SPG11: variants seen among roughly 807,000 people sequenced by gnomAD.
SPG11 encodes the protein spatacsin.
A neutral mutation model predicts 274.0 loss-of-function variants in SPG11; 222 were observed. The ratio of observed to expected loss-of-function variants is 0.81; its 90% confidence interval spans 0.73 to 0.91. The LOEUF is 0.91. Among genes scored for constraint, SPG11 ranks in the 40% least tolerant of loss-of-function variants. SPG11 has a pLI of 0.00. For synonymous variants in SPG11, 1,144 were observed against 1,039.7 expected (o/e 1.10, Z -1.93); for missense variants, 3,114 against 2,872.7 (o/e 1.08, Z -1.92).
intron 7 of SPG11, among the ~76,000 whole-genome samples, chr15:44,640,823 T>C (rs945617089): frequency 1.1e-4 from 17 of 152,142 alleles, no homozygotes; most frequent in Non-Finnish European, 1.9e-4. Context: ...CTCCGCCTCC[T>C]AGGTTCAAGT....
intron 3 of SPG11, 143 bp downstream of exon 3, chr15:44,658,936 G>C: frequency 1.4e-6 from 1 of 727,060 alleles, no homozygotes; most frequent in Non-Finnish European, 2.4e-6. Flanking sequence ...AGTTTATGAG[G>C]ATCTTTTTCC....
At chr15:44,590,770 TTAA>T (rs1197461648) in intron 27 of SPG11, 3 of 152,172 alleles carry the variant, frequency 2.0e-5, no homozygotes, top group Non-Finnish European at 4.4e-5. Flanking sequence ...CACGTATATG[TTAA>T]TAGGCACCAA....
Position 44,628,627 on chromosome 15 carries a change from T to C in SPG11, c.2067+42A>G, listed in dbSNP as rs765673212. ...CTTTCTATTGTTTTCTCAGACCTTCTGAATCTGGCAAATAAAAGAAGTGAT... is the reference window on the plus strand; with the variant it reads ...CTTTCTATTGTTTTCTCAGACCTTCCGAATCTGGCAAATAAAAGAAGTGAT... On this transcript the variant is annotated intron_variant, in intron 10 of 39. Transcript: ENST00000261866. The C allele has an allele frequency of 2.6e-6, 4 of 1,547,684 alleles. No homozygotes were observed. The Admixed American group carries it at 5.0e-5, about 19-fold the overall frequency.
chr15:44,629,532 T>C (rs1042011849), intron 8 of SPG11, 144 bp from the exon 9 acceptor site: 6 of 841,936 alleles, frequency 7.1e-6, no homozygotes, highest in Non-Finnish European at 1.9e-6. Flanking sequence ...AAAACTTTTC[T>C]GCAGGCTTAT....
At chr15:44,588,750 A>G (rs2082830984) in intron 28 of SPG11, 1 of 340,634 alleles carries the variant, frequency 2.9e-6, no homozygotes. Flanking sequence ...GCGGGTACAT[A>G]ATTGCTCTCT....
intron 4 of SPG11, among the ~76,000 whole-genome samples, chr15:44,653,819 T>C (rs934813206): frequency 1.3e-5 from 2 of 152,072 alleles, no homozygotes; most frequent in Non-Finnish European, 2.9e-5. Flanking sequence ...ACCCTATACA[T>C]ACAGTTGACC....
chr15:44,578,578 GC>G lies in SPG11; in HGVS notation c.5867-3538del, dbSNP rs773843624. ...CCAATACATTTTTATGAACTACAGGGCTCACTCCTGGACTACACATGTATGG... is the reference window on the plus strand; with the variant it reads ...CCAATACATTTTTATGAACTACAGGGTCACTCCTGGACTACACATGTATGG... On this transcript the variant is annotated intron_variant, in intron 30 of 39. Coordinates refer to ENST00000261866, the MANE Select transcript of SPG11 (RefSeq NM_025137.4). Among the ~76,000 whole-genome samples the G allele has an allele frequency of 5.3e-5, 8 of 152,186 alleles. No homozygotes were observed. In the South Asian group the frequency reaches 1.7e-3, roughly 32 times the overall value.
intron 16 of SPG11, 85 bp from the exon 17 acceptor site, chr15:44,613,621 A>T: frequency 1.2e-6 from 1 of 817,302 alleles, no homozygotes; most frequent in Non-Finnish European, 2.0e-6. Context: ...GATGATTAGC[A>T]TTTAAAAAAA....
At chr15:44,639,701 CA>C (rs977830175) in intron 7 of SPG11, among the ~76,000 whole-genome samples, 13 of 142,048 alleles carry the variant, frequency 9.2e-5, no homozygotes, top group South Asian at 2.2e-4. Flanking sequence ...GACCTGGTCT[CA>C]AAAAAAAAAG....
intron 23 of SPG11, 33 bp from the exon 24 acceptor site, chr15:44,596,976 GA>G: frequency 6.2e-7 from 1 of 1,608,056 alleles, no homozygotes; most frequent in East Asian, 2.2e-5. Flanking sequence ...GGGTGGTCAA[GA>G]AAAAACAAAA....
At chr15:44,573,475 C>A in intron 32 of SPG11, 72 bp downstream of exon 32, 1 of 1,532,244 alleles carries the variant, frequency 6.5e-7, no homozygotes, top group Non-Finnish European at 9.0e-7. Context: ...ATAAGCACAA[C>A]ATCCAAATCC....
chr15:44,616,611 C>T (rs777209645), intron 15 of SPG11, among the ~76,000 whole-genome samples: 34 of 152,086 alleles, frequency 2.2e-4, no homozygotes, highest in Admixed American at 1.8e-3. Context: ...TTGTTCTCTA[C>T]CTTATTTCTT....
At chr15:44,576,648 CAA>C (rs1259947190) in intron 30 of SPG11, among the ~76,000 whole-genome samples, 1 of 120,784 alleles carries the variant, frequency 8.3e-6, no homozygotes, top group Non-Finnish European at 1.8e-5. Context: ...GACTCTGTCT[CAA>C]AAAAAAAAGA....
At chr15:44,574,786 C>A (rs2082498577) in intron 31 of SPG11, 116 bp downstream of exon 31, 1 of 1,258,734 alleles carries the variant, frequency 7.9e-7, no homozygotes, top group Non-Finnish European at 1.2e-6. Flanking sequence ...GATAAGAGCT[C>A]TACTCCCAGG....
chr15:44,575,735 T>C (rs2082522132), intron 30 of SPG11, among the ~76,000 whole-genome samples: 1 of 152,172 alleles, frequency 6.6e-6, no homozygotes, highest in African/African-American at 2.4e-5. Context: ...CCTCAACTGA[T>C]GCATTTGCCT....
chr15:44,618,986 A>G (rs2083667103), intron 15 of SPG11, among the ~76,000 whole-genome samples: 1 of 152,196 alleles, frequency 6.6e-6, no homozygotes. Flanking sequence ...TAATTTCATA[A>G]TTCCAAAACC....
chr15:44,597,067 C>A (rs1595861692), intron 23 of SPG11, 124 bp from the exon 24 acceptor site: 38 of 741,032 alleles, frequency 5.1e-5, no homozygotes, highest in Admixed American at 1.1e-4. Context: ...TATTCTCCAA[C>A]AAATACTAAA....
At chr15:44,661,590 T>C (rs1013956507) in intron 1 of SPG11, among the ~76,000 whole-genome samples, 3 of 152,048 alleles carry the variant, frequency 2.0e-5, no homozygotes, top group African/African-American at 7.2e-5. Context: ...TTTTATACTA[T>C]TATAGTATTA....
chr15:44,650,430 G>T (rs1472371643), intron 6 of SPG11, among the ~76,000 whole-genome samples: 2 of 152,012 alleles, frequency 1.3e-5, no homozygotes, highest in African/African-American at 4.8e-5. Context: ...GAGGCAGGTG[G>T]ACTGTTTGAG....
Sources: gnomAD v4.1 joint callset for allele counts (sites outside exome capture counted in the v4.1 genomes callset) on GRCh38, gnomAD v4.1.1 for gene constraint, MANE v1.5 for transcripts, NCBI Gene and HGNC (gene_info 2026-07-23, HGNC 2026-07-21) for gene names.